PDE10A: variants seen among roughly 807,000 people sequenced by gnomAD.
PDE10A encodes the protein phosphodiesterase 10A.
A neutral mutation model predicts 97.7 loss-of-function variants in PDE10A; 39 were observed. The observed-to-expected ratio is 0.40, with a 90% CI of 0.31 to 0.52. The LOEUF (loss-of-function observed/expected upper bound fraction) is 0.52, where lower values mean the gene tolerates loss of function less well. Among genes scored for constraint, PDE10A ranks in the 20% least tolerant of loss-of-function variants. The probability of loss-of-function intolerance (pLI) is 0.56; values close to 1 mark genes in which losing one functional copy is unlikely to be tolerated. For synonymous variants in PDE10A, 371 were observed against 376.8 expected, an observed-to-expected ratio of 0.98 and a Z score of 0.18; for missense variants, 731 against 1,047.8, an observed-to-expected ratio of 0.70 and a Z score of 4.17.
chr6:165,614,846 T>TAAAA (rs879601131), intron 1 of PDE10A, among the ~76,000 whole-genome samples: 1 of 141,666 alleles, frequency 7.1e-6, no homozygotes, highest in African/African-American at 2.6e-5. Context: ...GGCATTCAAT[T>TAAAA]AAAAAAAAAA....
At chr6:165,597,517 T>C (rs368722495) in intron 1 of PDE10A, among the ~76,000 whole-genome samples, 1 of 152,202 alleles carries the variant, frequency 6.6e-6, no homozygotes, top group East Asian at 1.9e-4. Flanking sequence ...CCTTAGGCTA[T>C]CTGGGTTGAT....
intron 17 of PDE10A, among the ~76,000 whole-genome samples, chr6:165,383,920 G>A (rs1785087625): frequency 6.6e-6 from 1 of 152,188 alleles, no homozygotes; most frequent in South Asian, 2.1e-4. Flanking sequence ...AAGAAAGGGT[G>A]TGGGGTAATT....
chr6:165,641,960 C>T (rs529625923), intron 1 of PDE10A, among the ~76,000 whole-genome samples: 1 of 152,312 alleles, frequency 6.6e-6, no homozygotes, highest in African/African-American at 2.4e-5. Context: ...GTGGCAGAGG[C>T]GTGGCTGGTA....
chr6:165,424,553 T>A (rs115002103), intron 10 of PDE10A, among the ~76,000 whole-genome samples: 2,138 of 152,132 alleles, frequency 0.014, 55 homozygotes, highest in African/African-American at 0.049. Context: ...ACAAATAATA[T>A]GTACATTATT....
chr6:165,552,436 C>T (rs990018907), intron 1 of PDE10A, among the ~76,000 whole-genome samples: 1 of 152,186 alleles, frequency 6.6e-6, no homozygotes, highest in Non-Finnish European at 1.5e-5. Context: ...ACTGTTTGTG[C>T]ATTTGTGCAA....
At chr6:165,946,433 G>T (rs1401751275) in intron 1 of PDE10A, among the ~76,000 whole-genome samples, 5 of 151,644 alleles carry the variant, frequency 3.3e-5, no homozygotes, top group African/African-American at 9.7e-5. Context: ...GGCGGAGCTT[G>T]CAGTGAGCCG....
chr6:165,740,955 A>C (rs1293577083), intron 1 of PDE10A, among the ~76,000 whole-genome samples: 1 of 152,294 alleles, frequency 6.6e-6, no homozygotes, highest in Non-Finnish European at 1.5e-5. Context: ...CTAACCAACA[A>C]TAATTGTAGT....
At chr6:165,566,275 C>T (rs76314166) in intron 1 of PDE10A, among the ~76,000 whole-genome samples, 237 of 152,220 alleles carry the variant, frequency 1.6e-3, no homozygotes, top group African/African-American at 5.3e-3. Flanking sequence ...AAAACATTAA[C>T]ACATACGTCA....
At chr6:165,559,763 T>C (rs1784433370) in intron 1 of PDE10A, among the ~76,000 whole-genome samples, 1 of 152,296 alleles carries the variant, frequency 6.6e-6, no homozygotes, top group Middle Eastern at 3.4e-3. Context: ...TAACTGAATC[T>C]TGGGGCCAGT....
chr6:165,619,052 G>C (rs1470839351), intron 1 of PDE10A, among the ~76,000 whole-genome samples: 3 of 149,670 alleles, frequency 2.0e-5, no homozygotes, highest in Non-Finnish European at 4.4e-5. Flanking sequence ...GTGTAGTCTA[G>C]TGTGGTGTAG....
chr6:165,722,883 T>TAC (rs561636367), intron 1 of PDE10A, among the ~76,000 whole-genome samples: 18,026 of 149,016 alleles, frequency 0.12, 1,684 homozygotes, highest in African/African-American at 0.24. Context: ...TATATATATA[T>TAC]ACACACACAC....
At chr6:165,512,162 T>C (rs190569401) in intron 2 of PDE10A, among the ~76,000 whole-genome samples, 1 of 152,076 alleles carries the variant, frequency 6.6e-6, no homozygotes, top group Admixed American at 6.6e-5. Context: ...ATTTGAGTCC[T>C]TTCTCTTTCT....
chr6:165,966,720 T>C (rs2128499711), intron 1 of PDE10A, among the ~76,000 whole-genome samples: 1 of 152,330 alleles, frequency 6.6e-6, no homozygotes, highest in East Asian at 1.9e-4. Context: ...GTCCCTGGCC[T>C]CACGGTGCAT....
intron 3 of PDE10A, among the ~76,000 whole-genome samples, chr6:165,474,918 G>A (rs916690128): frequency 2.6e-5 from 4 of 152,138 alleles, no homozygotes. Flanking sequence ...AATAGAGCGA[G>A]TGAGTTTCTA....
chr6:165,542,570 T>C (rs1419809365), intron 2 of PDE10A, among the ~76,000 whole-genome samples: 1 of 151,886 alleles, frequency 6.6e-6, no homozygotes, highest in East Asian at 1.9e-4. Flanking sequence ...TGCACTCCTT[T>C]TCTCATTTCA....
intron 1 of PDE10A, among the ~76,000 whole-genome samples, chr6:165,882,525 C>T (rs527954939): frequency 4.6e-5 from 7 of 152,318 alleles, no homozygotes; most frequent in African/African-American, 1.7e-4. Flanking sequence ...ACAAGACCTT[C>T]TGCTAAGTTT....
intron 1 of PDE10A, among the ~76,000 whole-genome samples, chr6:165,591,069 A>T (rs1201112716): frequency 6.6e-6 from 1 of 152,214 alleles, no homozygotes; most frequent in Non-Finnish European, 1.5e-5. Flanking sequence ...CATTTGGATC[A>T]TAAGAACAGC....
chr6:165,333,272 G>C (rs750012997), intron 21 of PDE10A, 145 bp from the exon 22 acceptor site: 2 of 625,430 alleles, frequency 3.2e-6, no homozygotes, highest in Non-Finnish European at 5.8e-6. Flanking sequence ...GCACGACGTG[G>C]CCAGGCAGGT....
chr6:165,515,864 G>C (rs1442429862), intron 2 of PDE10A, among the ~76,000 whole-genome samples: 1 of 151,802 alleles, frequency 6.6e-6, no homozygotes, highest in Admixed American at 6.6e-5. Flanking sequence ...TTTAAAAGGG[G>C]GAGCTTAGTA....
Sources: gnomAD v4.1 joint callset for allele counts (sites outside exome capture counted in the v4.1 genomes callset) on GRCh38, gnomAD v4.1.1 for gene constraint, MANE v1.5 for transcripts, NCBI Gene and HGNC (gene_info 2026-07-23, HGNC 2026-07-21) for gene names.